SMARCA2: variants seen among roughly 807,000 people sequenced by gnomAD.
SMARCA2 encodes the protein SWI/SNF-related matrix-associated actin-dependent regulator of chromatin subfamily A member 2.
SMARCA2 carries 61 observed loss-of-function variants against 199.8 expected under a neutral mutation model. The observed-to-expected ratio is 0.31, with a 90% CI of 0.25 to 0.38. SMARCA2 has a LOEUF of 0.38. SMARCA2 is among the 10% of genes least tolerant of loss of function. The pLI is 1.00. For synonymous variants in SMARCA2, 935 were observed against 732.0 expected, an observed-to-expected ratio of 1.28 and a Z score of -4.48; for missense variants, 1,344 against 2,012.2, an observed-to-expected ratio of 0.67 and a Z score of 6.35.
At position 2,182,201 on chromosome 9, in the gene SMARCA2, C is replaced by G; in HGVS notation, c.4420C>G (p.Leu1474Val). Reference sequence around the variant, plus strand: ...CGACCTGGAGAAGGATGTCATGCTTCTCTGTCACAACGCTCAGACGTTCAA... The same window carrying G: ...CGACCTGGAGAAGGATGTCATGCTTGTCTGTCACAACGCTCAGACGTTCAA... ...LGDLEKDVMLLCHNAQTFNLE... is the reference protein window; with the variant it reads ...LGDLEKDVMLVCHNAQTFNLE... Residue 1474 changes from leucine to valine, a missense_variant, in exon 31 of 34, where the codon CTC becomes GTC. Physicochemically the swap from Leu to Val is conservative, Grantham distance 32 (BLOSUM62 1). Around this residue, in one of 18 missense-constraint regions of SMARCA2, gnomAD observed 151 missense variants for 154.0 expected, o/e 0.98. Transcript: ENST00000349721. 6.2e-7 allele frequency: 1 copy of G among 1,613,820 alleles called. No homozygotes were observed. Among genetic ancestry groups the G allele is most frequent in the Non-Finnish European group, 8.5e-7 (1 of 1,179,688 alleles).
chr9:2,159,662 T>A, intron 27 of SMARCA2: 1 of 891,544 alleles, frequency 1.1e-6, no homozygotes, highest in Non-Finnish European at 1.7e-6. Flanking sequence ...TAAAACAGGC[T>A]GAAGGAGGAA....
In SMARCA2 at chr9:2,087,297, C is replaced by G. The variant is rs903987940; in HGVS notation, c.2769+226C>G. 4 of 539,894 alleles carry G rather than the reference C, an allele frequency of 7.4e-6. No homozygotes were observed. In the African/African-American group the frequency reaches 7.6e-5, roughly 10 times the overall value. The allele number at this position is 539,894 out of a possible 1,614,324, so 33.4% of individuals were successfully genotyped here. A position where few individuals can be genotyped will look rare whatever the true frequency, so the allele number is the denominator to read the frequency against. ...GGGCATCTAACCCCTTTGTCTTTTG[C>G]CAGCATGTTTACCAGGCTACCAGAA... On this transcript the variant is annotated intron_variant, in intron 18 of 33. Transcript: ENST00000349721.
At position 2,181,562 on chromosome 9, in the gene SMARCA2, A is replaced by G; in HGVS notation, c.4254-9A>G. The G allele has an allele frequency of 6.9e-7, 1 of 1,441,310 alleles. No individual in the cohort carries two copies. The highest frequency in any genetic ancestry group is 9.8e-7 in the Non-Finnish European group (1 of 1,022,800). 89.3% of individuals were successfully genotyped at this position (1,441,310 alleles called of 1,614,324 possible). A position where few individuals can be genotyped will look rare whatever the true frequency, so the allele number is the denominator to read the frequency against. ...TGGCTTGTTTTTGTTTGTTTCACCC[A>G]TCCTACAGTTCAGGGCGACAGCTCA... On this transcript the variant is annotated splice_polypyrimidine_tract_variant and intron_variant, in intron 29 of 33. Transcript: ENST00000349721.
At chr9:2,189,975 A>T (rs944369573) in intron 32 of SMARCA2, among the ~76,000 whole-genome samples, 1 of 152,200 alleles carries the variant, frequency 6.6e-6, no homozygotes, top group African/African-American at 2.4e-5. Context: ...ATGCCTTGAG[A>T]CCCACCAAAC....
At chr9:2,129,805 G>A (rs571241167) in intron 27 of SMARCA2, among the ~76,000 whole-genome samples, 2 of 152,204 alleles carry the variant, frequency 1.3e-5, no homozygotes, top group South Asian at 4.2e-4. Context: ...CTGTCACTAC[G>A]GAGATGTCAA....
At chr9:2,090,543 C>T (rs1227405085) in intron 19 of SMARCA2, among the ~76,000 whole-genome samples, 1 of 152,144 alleles carries the variant, frequency 6.6e-6, no homozygotes, top group Non-Finnish European at 1.5e-5. Context: ...ATGACTCTGT[C>T]TTATGGAGTT....
In SMARCA2 at chr9:2,191,253, G is replaced by A. The variant is rs779446655; in HGVS notation, c.4595-13G>A. The A allele has an allele frequency of 1.2e-6, 2 of 1,613,430 alleles. No homozygotes were observed. The highest frequency in any genetic ancestry group is 2.2e-5 in the East Asian group (1 of 44,874). On this transcript the variant is annotated splice_polypyrimidine_tract_variant and intron_variant, in intron 32 of 33. Transcript: ENST00000349721. ...TTACTCACTGGTGTCTATTTCATTT[G>A]CTTTGGTTTTAGCAAAATCAGTCAA...
chr9:2,042,013 C>A (rs1287500324), intron 4 of SMARCA2: 1 of 152,124 alleles, frequency 6.6e-6, no homozygotes, highest in East Asian at 1.9e-4. Flanking sequence ...AACCACTTTC[C>A]CATACTGGCT....
At chr9:2,160,883 G>GAAA in intron 27 of SMARCA2, 5 of 255,186 alleles carry the variant, frequency 2.0e-5, no homozygotes, top group Non-Finnish European at 3.6e-5. Flanking sequence ...GATTTACCAG[G>GAAA]AAAAAAAAAA....
chr9:2,093,626 C>T (rs1230057993), intron 19 of SMARCA2, among the ~76,000 whole-genome samples: 1 of 152,182 alleles, frequency 6.6e-6, no homozygotes, highest in Admixed American at 6.5e-5. Flanking sequence ...CCCTGGTCCC[C>T]AGAAGGGCTT....
At chr9:2,111,317 G>T (rs1375225441) in intron 24 of SMARCA2, among the ~76,000 whole-genome samples, 1 of 151,580 alleles carries the variant, frequency 6.6e-6, no homozygotes, top group African/African-American at 2.4e-5. Context: ...GTGAAACCCT[G>T]TCTCTACAAA....
At chr9:2,073,082 G>T in intron 10 of SMARCA2, 130 bp from the exon 11 acceptor site, 1 of 1,042,080 alleles carries the variant, frequency 9.6e-7, no homozygotes. Flanking sequence ...ACACTCATTA[G>T]GTAGTGAAAT....
chr9:2,069,908 A>G (rs545391089), intron 9 of SMARCA2, among the ~76,000 whole-genome samples: 3 of 152,198 alleles, frequency 2.0e-5, no homozygotes, highest in Non-Finnish European at 2.9e-5. Context: ...CGTACCCAAT[A>G]ATTAGTTTTT....
Position 2,119,331 on chromosome 9 carries a change from G to A in SMARCA2, c.3685-127G>A, listed in dbSNP as rs999416545. The A allele has an allele frequency of 6.2e-6, 4 of 640,552 alleles. No individual in the cohort carries two copies. The highest frequency in any genetic ancestry group is 3.7e-5 in the African/African-American group (2 of 54,288). 39.7% of individuals were successfully genotyped at this position (640,552 alleles called of 1,614,324 possible). A position where few individuals can be genotyped will look rare whatever the true frequency, so the allele number is the denominator to read the frequency against. ...ATAGTAACGTCAAGGACTAAATCCAGCAACCCCTTCCCTTTTCTTTCTGCC... is the reference window on the plus strand; with the variant it reads ...ATAGTAACGTCAAGGACTAAATCCAACAACCCCTTCCCTTTTCTTTCTGCC... On this transcript the variant is annotated intron_variant, in intron 25 of 33. Coordinates refer to ENST00000349721, the MANE Select transcript of SMARCA2 (RefSeq NM_003070.5). This position sits in a 1 kb window ranked among gnomAD's most constrained non-coding sequence, Gnocchi z 4.6.
chr9:2,056,580 C>T lies in SMARCA2; in HGVS notation c.1174-92C>T, dbSNP rs559935841. The T allele has an allele frequency of 7.0e-5, 82 of 1,169,276 alleles. No individual in the cohort carries two copies. In the Admixed American group the frequency reaches 1.7e-3, roughly 24 times the overall value. The allele number at this position is 1,169,276 out of a possible 1,614,324, so 72.4% of individuals were successfully genotyped here. A position where few individuals can be genotyped will look rare whatever the true frequency, so the allele number is the denominator to read the frequency against. On this transcript the variant is annotated intron_variant, in intron 6 of 33. Transcript: ENST00000349721. The surrounding 1 kb of genome is among the most constrained non-coding windows in gnomAD (Gnocchi z 4.0). ...AAGCTTGTGGAGATTCCCCGCCCCA[C>T]TCTATTCCATTAAATGCAACCGCGA...
intron 7 of SMARCA2, 131 bp from the exon 8 acceptor site, chr9:2,058,160 C>T: frequency 1.3e-6 from 1 of 778,554 alleles, no homozygotes. Flanking sequence ...GGGCACCTAT[C>T]CCCAAACAGA....
intron 26 of SMARCA2, among the ~76,000 whole-genome samples, chr9:2,120,624 T>G (rs1471766505): frequency 6.6e-6 from 1 of 152,176 alleles, no homozygotes; most frequent in Admixed American, 6.5e-5. Flanking sequence ...TGGAGAGGCT[T>G]ATGTTATTTT....
rs573831943 is a variant in SMARCA2 at position 2,068,212 on chromosome 9, C to T, written c.1693-2206C>T. 7.2e-5 allele frequency among the ~76,000 whole-genome samples: 11 copies of T among 152,306 alleles called. No individual in the cohort carries two copies. The South Asian group carries it at 2.3e-3, about 32-fold the overall frequency. The stretch of plus-strand genomic sequence containing the variant: ...AATTCAAGGGTTCTGTTATTGTTCT[C>T]TGTGTCACTAGCTTAGATGTAGAGC... On this transcript the variant is annotated intron_variant, in intron 9 of 33. Transcript: ENST00000349721.
At position 2,192,964 on chromosome 9, in the gene SMARCA2, TCAGATTGAAA is replaced by T; in HGVS notation, c.*228_*237del. 4.0e-6 allele frequency: 2 copies of T among 502,020 alleles called. No homozygotes were observed. Among genetic ancestry groups the T allele is most frequent in the Non-Finnish European group, 3.5e-6 (1 of 285,642 alleles). 31.1% of individuals were successfully genotyped at this position (502,020 alleles called of 1,614,324 possible). ...TTGTGACCAAATGGGCCTCAAAGAT[TCAGATTGAAA>T]CAAACAAAAAGCTTTTGATGGAAAA... On this transcript the variant is annotated 3_prime_UTR_variant, in exon 34 of 34. Coordinates refer to ENST00000349721, the MANE Select transcript of SMARCA2 (RefSeq NM_003070.5).
Sources: gnomAD v4.1 joint callset for allele counts (sites outside exome capture counted in the v4.1 genomes callset) on GRCh38, gnomAD v4.1.1 for gene constraint, gnomAD v4.1.1 regional missense constraint, Gnocchi (gnomAD v3.1) non-coding constraint, MANE v1.5 for transcripts, NCBI Gene and HGNC (gene_info 2026-07-23, HGNC 2026-07-21) for gene names.